Variants in CNOT6 observed in about 807,000 individuals in gnomAD.
The protein encoded by CNOT6 is CCR4-NOT transcription complex subunit 6.
A neutral mutation model predicts 61.2 loss-of-function variants in CNOT6; 12 were observed. That is an observed-to-expected ratio of 0.20 (90% CI 0.13 to 0.32). The LOEUF (loss-of-function observed/expected upper bound fraction) is 0.32. Among genes scored for constraint, CNOT6 ranks in the 10% least tolerant of loss-of-function variants. CNOT6 has a pLI of 1.00. For synonymous variants in CNOT6, 225 were observed against 240.6 expected, an observed-to-expected ratio of 0.94 and a Z score of 0.60; for missense variants, 405 against 663.9, an observed-to-expected ratio of 0.61 and a Z score of 4.28.
At position 180,524,560 on chromosome 5, in the gene CNOT6, C is replaced by T. The variant is rs570532230; in HGVS notation, c.-2-4715C>T. Among the ~76,000 whole-genome samples the T allele has an allele frequency of 3.3e-5, 5 of 152,126 alleles. No homozygotes were observed. In the South Asian group the frequency reaches 1.0e-3, roughly 32 times the overall value. ...ATGAGTACTTTAAATTTTAAGACAG[C>T]CAGTCTCACAATACGAAAAACCAAG... On this transcript the variant is annotated intron_variant, in intron 1 of 11. Transcript: ENST00000261951.
At chr5:180,572,216 G>A (rs1229448195) in intron 11 of CNOT6, among the ~76,000 whole-genome samples, 2 of 152,112 alleles carry the variant, frequency 1.3e-5, no homozygotes, top group African/African-American at 2.4e-5. Flanking sequence ...CCTAGAGACA[G>A]TCTTGCTCTG....
At chr5:180,542,999 A>G (rs899064150) in intron 2 of CNOT6, among the ~76,000 whole-genome samples, 1 of 152,118 alleles carries the variant, frequency 6.6e-6, no homozygotes, top group African/African-American at 2.4e-5. Context: ...TCTCTAGTAC[A>G]TTATGTTCTT....
At chr5:180,523,106 T>C (rs1450432919) in intron 1 of CNOT6, among the ~76,000 whole-genome samples, 1 of 152,158 alleles carries the variant, frequency 6.6e-6, no homozygotes, top group Non-Finnish European at 1.5e-5. Flanking sequence ...TGAATTGAGC[T>C]ATAGGACACT....
rs70973938 is a variant in CNOT6 at position 180,558,521 on chromosome 5, AC to A, written c.385+5051del. On this transcript the variant is annotated intron_variant, in intron 4 of 11. Transcript: ENST00000261951. ...CGGCAGAAACACCTTAAAAAAAAAA[AC>A]AAAAAACCTGCTATTGCTTTTTAGA... Among the ~76,000 whole-genome samples, 11 of 146,034 alleles carry A rather than the reference AC, an allele frequency of 7.5e-5. 1 individual carries two copies. The highest frequency in any genetic ancestry group is 6.9e-3 in the Middle Eastern group (2 of 290).
chr5:180,526,627 G>T (rs576062712), intron 1 of CNOT6, among the ~76,000 whole-genome samples: 9 of 152,292 alleles, frequency 5.9e-5, no homozygotes, highest in Non-Finnish European at 8.8e-5. Flanking sequence ...CAGAGTCTGA[G>T]GAATGATTGC....
At chr5:180,509,760 A>T (rs1333809695) in intron 1 of CNOT6, among the ~76,000 whole-genome samples, 1 of 150,062 alleles carries the variant, frequency 6.7e-6, no homozygotes, top group Admixed American at 6.6e-5. Flanking sequence ...TATGCTGCCC[A>T]GTCTGGAACT....
At chr5:180,572,714 T>TA (rs1760812253) in intron 11 of CNOT6, among the ~76,000 whole-genome samples, 6 of 135,514 alleles carry the variant, frequency 4.4e-5, no homozygotes, top group Non-Finnish European at 8.5e-5. Context: ...CATACCCAGA[T>TA]CTTTTTTTTT....
chr5:180,533,086 C>A, intron 2 of CNOT6, among the ~76,000 whole-genome samples: 1 of 152,110 alleles, frequency 6.6e-6, no homozygotes, highest in Non-Finnish European at 1.5e-5. Context: ...CAAGGCATGT[C>A]TGCTCAGACT....
chr5:180,571,423 T>G lies in CNOT6; in HGVS notation c.1452T>G (p.Phe484Leu), dbSNP rs1328293601. 1 of 1,612,498 alleles carries G rather than the reference T, an allele frequency of 6.2e-7. No homozygotes were observed. Among genetic ancestry groups the G allele is most frequent in the Non-Finnish European group, 8.5e-7 (1 of 1,178,648 alleles). ...SGLMPYTNYTFDFKGIIDYIF... is the reference protein window; with the variant it reads ...SGLMPYTNYTLDFKGIIDYIF... Reference sequence around the variant, plus strand: ...TGATGCCTTACACGAATTACACATTTGATTTCAAGGTGTGTCTTGAGACTG... The same window carrying G: ...TGATGCCTTACACGAATTACACATTGGATTTCAAGGTGTGTCTTGAGACTG... The change falls in exon 11 of 12, where the codon TTT becomes TTG. Residue 484 changes from phenylalanine to leucine, a missense_variant. Around this residue, in one of 5 missense-constraint regions of CNOT6, gnomAD observed 1 missense variants for 17.5 expected, o/e 0.06. Transcript: ENST00000261951.
chr5:180,509,666 C>T (rs1382165038), intron 1 of CNOT6, among the ~76,000 whole-genome samples: 4 of 150,602 alleles, frequency 2.7e-5, no homozygotes, highest in Non-Finnish European at 4.4e-5. Context: ...CCACTTGCCT[C>T]GGCCTCCCAA....
intron 1 of CNOT6, among the ~76,000 whole-genome samples, chr5:180,506,939 A>C (rs1035912288): frequency 6.6e-6 from 1 of 152,190 alleles, no homozygotes; most frequent in Non-Finnish European, 1.5e-5. Context: ...AATGTGAGAT[A>C]AAAAAATACT....
intron 8 of CNOT6, among the ~76,000 whole-genome samples, 164 bp from the exon 9 acceptor site, chr5:180,567,685 A>G (rs1464066871): frequency 6.6e-6 from 1 of 152,178 alleles, no homozygotes; most frequent in Non-Finnish European, 1.5e-5. Flanking sequence ...AGCAACTTTA[A>G]ATGGATGTGG....
At chr5:180,539,624 C>G (rs1405574476) in intron 2 of CNOT6, among the ~76,000 whole-genome samples, 1 of 102,970 alleles carries the variant, frequency 9.7e-6, no homozygotes, top group Non-Finnish European at 1.7e-5. Flanking sequence ...GAGTCTTGTT[C>G]TGTCACTCAG....
intron 2 of CNOT6, among the ~76,000 whole-genome samples, chr5:180,531,763 A>G (rs1758397710): frequency 1.3e-5 from 2 of 152,212 alleles, no homozygotes; most frequent in Non-Finnish European, 2.9e-5. Context: ...CAGGCAGATC[A>G]CTCGGGGTCA....
In CNOT6 at chr5:180,576,021, GTT is replaced by G. The variant is rs950922606; in HGVS notation, c.*1824_*1825del. 6.6e-6 allele frequency: 1 copy of G among 152,116 alleles called. No individual in the cohort carries two copies. Among genetic ancestry groups the G allele is most frequent in the African/African-American group, 2.4e-5 (1 of 41,262 alleles). The allele number at this position is 152,116 out of a possible 1,614,324, so 9.4% of individuals were successfully genotyped here. On this transcript the variant is annotated 3_prime_UTR_variant, in exon 12 of 12. Transcript: ENST00000261951. Reference sequence around the variant, plus strand: ...TCTAGGATTTCATTGTGATGTTTTGGTTTTGTTTTTTGCTTTTTGTTTAAGTT... The same window carrying G: ...TCTAGGATTTCATTGTGATGTTTTGGTTGTTTTTTGCTTTTTGTTTAAGTT...
At chr5:180,542,127 C>T (rs540452265) in intron 2 of CNOT6, among the ~76,000 whole-genome samples, 3 of 152,216 alleles carry the variant, frequency 2.0e-5, no homozygotes, top group South Asian at 2.1e-4. Context: ...AAGAGTCTCT[C>T]GCCATTACTC....
At chr5:180,573,252 T>A (rs1449515667) in intron 11 of CNOT6, among the ~76,000 whole-genome samples, 1 of 152,082 alleles carries the variant, frequency 6.6e-6, no homozygotes, top group East Asian at 1.9e-4. Context: ...GTTTAGTAGA[T>A]GCCATGGCGG....
At chr5:180,528,473 G>T (rs1758201264) in intron 1 of CNOT6, among the ~76,000 whole-genome samples, 3 of 151,990 alleles carry the variant, frequency 2.0e-5, no homozygotes, top group African/African-American at 7.2e-5. Context: ...ACCATGCCCG[G>T]CTAATTTTTT....
intron 1 of CNOT6, among the ~76,000 whole-genome samples, chr5:180,510,154 T>C (rs1003380935): frequency 7.7e-6 from 1 of 130,448 alleles, no homozygotes; most frequent in African/African-American, 3.0e-5. Flanking sequence ...TTTTTTTTTT[T>C]TTTTTTTTTT....
Sources: gnomAD v4.1 joint callset for allele counts (sites outside exome capture counted in the v4.1 genomes callset) on GRCh38, gnomAD v4.1.1 for gene constraint, gnomAD v4.1.1 regional missense constraint, MANE v1.5 for transcripts, NCBI Gene and HGNC (gene_info 2026-07-23, HGNC 2026-07-21) for gene names.